SMOC2: variants seen among roughly 807,000 people sequenced by gnomAD.
SMOC2 encodes SPARC-related modular calcium-binding protein 2.
SMOC2 carries 39 observed loss-of-function variants against 61.4 expected under a neutral mutation model. The ratio of observed to expected loss-of-function variants is 0.64; its 90% CI spans 0.49 to 0.83. SMOC2 has a LOEUF of 0.83. Among genes scored for constraint, SMOC2 ranks in the 40% least tolerant of loss-of-function variants. SMOC2 has a pLI of 0.00. For missense variants in SMOC2, 556 were observed against 592.9 expected, an observed-to-expected ratio of 0.94 and a Z score of 0.65; for synonymous variants, 247 against 239.9, an observed-to-expected ratio of 1.03 and a Z score of -0.27.
chr6:168,487,690 A>G (rs931399030), intron 1 of SMOC2, among the ~76,000 whole-genome samples: 95 of 152,106 alleles, frequency 6.2e-4, no homozygotes, highest in African/African-American at 2.2e-3. Context: ...TTTAGTAGAG[A>G]TGGGGCTTCA....
chr6:168,657,704 G>T (rs552672444), intron 11 of SMOC2, among the ~76,000 whole-genome samples: 1 of 152,272 alleles, frequency 6.6e-6, no homozygotes, highest in South Asian at 2.1e-4. Flanking sequence ...GGCAGTCCAA[G>T]ATTGTGGAAT....
chr6:168,549,801 A>G (rs1007000773), intron 7 of SMOC2, among the ~76,000 whole-genome samples: 6 of 152,208 alleles, frequency 3.9e-5, no homozygotes, highest in Non-Finnish European at 8.8e-5. Flanking sequence ...TAAATTTTCT[A>G]AATTCTTTAA....
intron 4 of SMOC2, among the ~76,000 whole-genome samples, chr6:168,540,890 C>A (rs1783863117): frequency 6.6e-6 from 1 of 152,176 alleles, no homozygotes; most frequent in Non-Finnish European, 1.5e-5. Context: ...CTGCCCCTCA[C>A]CCCTCTCACG....
intron 4 of SMOC2, among the ~76,000 whole-genome samples, chr6:168,530,582 G>T (rs1023807297): frequency 6.6e-6 from 1 of 151,288 alleles, no homozygotes; most frequent in Non-Finnish European, 1.5e-5. Flanking sequence ...TAAAGTCACC[G>T]TGCAACTCCC....
chr6:168,574,646 G>A (rs1784753496), intron 7 of SMOC2, among the ~76,000 whole-genome samples: 1 of 152,160 alleles, frequency 6.6e-6, no homozygotes, highest in African/African-American at 2.4e-5. Flanking sequence ...GAGTCAGGGG[G>A]GATTCCTGTG....
chr6:168,549,759 G>A (rs999969142), intron 7 of SMOC2, among the ~76,000 whole-genome samples: 61 of 151,870 alleles, frequency 4.0e-4, no homozygotes, highest in Non-Finnish European at 1.8e-4. Context: ...TTTGATCACC[G>A]GCATATATTT....
intron 4 of SMOC2, among the ~76,000 whole-genome samples, chr6:168,538,760 G>A (rs981052790): frequency 7.2e-6 from 1 of 138,428 alleles, no homozygotes; most frequent in African/African-American, 2.8e-5. Flanking sequence ...GGTGACCCCT[G>A]CTGGAATCTG....
chr6:168,514,218 T>C (rs1253396086), intron 2 of SMOC2, among the ~76,000 whole-genome samples: 1 of 152,168 alleles, frequency 6.6e-6, no homozygotes, highest in East Asian at 1.9e-4. Context: ...CAGCTACTCC[T>C]TTAAGAAGCA....
At chr6:168,626,933 G>T (rs17553738) in intron 9 of SMOC2, among the ~76,000 whole-genome samples, 1 of 152,054 alleles carries the variant, frequency 6.6e-6, no homozygotes, top group Non-Finnish European at 1.5e-5. Flanking sequence ...TGGACCTGCC[G>T]GGAGAGTCAT....
intron 11 of SMOC2, among the ~76,000 whole-genome samples, chr6:168,657,755 T>C (rs1323930534): frequency 6.6e-6 from 1 of 151,790 alleles, no homozygotes; most frequent in African/African-American, 2.4e-5. Flanking sequence ...CATCCCCAAA[T>C]AGAAGGGCGA....
chr6:168,501,408 C>A (rs972451817), intron 1 of SMOC2, among the ~76,000 whole-genome samples: 8 of 152,084 alleles, frequency 5.3e-5, no homozygotes, highest in Admixed American at 3.9e-4. Context: ...ACCATCCGTC[C>A]CTTGCTGCGG....
intron 7 of SMOC2, among the ~76,000 whole-genome samples, chr6:168,581,608 AT>A (rs1200110678): frequency 3.3e-5 from 5 of 152,242 alleles, no homozygotes; most frequent in Non-Finnish European, 7.3e-5. Flanking sequence ...AATATCAATC[AT>A]TACCTATTAA....
chr6:168,555,405 G>A (rs1321786902), intron 7 of SMOC2, among the ~76,000 whole-genome samples: 2 of 102,306 alleles, frequency 2.0e-5, no homozygotes, highest in African/African-American at 9.9e-5. Context: ...AGCTCTGTTA[G>A]CACGCAGCTC....
chr6:168,472,984 G>A (rs1357539072), intron 1 of SMOC2, among the ~76,000 whole-genome samples: 5 of 151,602 alleles, frequency 3.3e-5, no homozygotes, highest in Non-Finnish European at 7.4e-5. Flanking sequence ...GGAAGGCTCC[G>A]ATTCATACAA....
chr6:168,608,836 CT>C (rs917014519), intron 9 of SMOC2, among the ~76,000 whole-genome samples: 92 of 152,274 alleles, frequency 6.0e-4, no homozygotes, highest in African/African-American at 2.1e-3. Context: ...TCATTTTGAT[CT>C]TTTTTTCTCT....
At chr6:168,589,076 CAAAAAA>C (rs35958554) in intron 7 of SMOC2, among the ~76,000 whole-genome samples, 2 of 89,884 alleles carry the variant, frequency 2.2e-5, no homozygotes, top group Non-Finnish European at 2.2e-5. Flanking sequence ...GAATTCGTCT[CAAAAAA>C]AAAAAAAAAA....
At chr6:168,506,806 C>A (rs1259374777) in intron 1 of SMOC2, among the ~76,000 whole-genome samples, 1 of 152,210 alleles carries the variant, frequency 6.6e-6, no homozygotes, top group African/African-American at 2.4e-5. Flanking sequence ...TAGCAAAGTA[C>A]TTTTTATCTT....
chr6:168,498,950 C>T (rs1271869486), intron 1 of SMOC2, among the ~76,000 whole-genome samples: 9 of 141,690 alleles, frequency 6.4e-5, no homozygotes, highest in Admixed American at 3.5e-4. Flanking sequence ...CCCAGCCCTA[C>T]GAGCCACAGT....
At chr6:168,614,016 C>T (rs1325474373) in intron 9 of SMOC2, among the ~76,000 whole-genome samples, 1 of 83,608 alleles carries the variant, frequency 1.2e-5, no homozygotes, top group Non-Finnish European at 2.5e-5. Flanking sequence ...TTCACACCTA[C>T]AGCCAGCACA....
Sources: gnomAD v4.1 joint callset for allele counts (sites outside exome capture counted in the v4.1 genomes callset) on GRCh38, gnomAD v4.1.1 for gene constraint, MANE v1.5 for transcripts, NCBI Gene and HGNC (gene_info 2026-07-23, HGNC 2026-07-21) for gene names.